The following ROBO1 variants were observed in gnomAD, a reference collection of about 807,000 sequenced individuals.
ROBO1 encodes roundabout guidance receptor 1, also known as roundabout homolog 1.
In ROBO1, 149 loss-of-function variants were observed where a neutral mutation model predicts 195.9. The ratio of observed to expected loss-of-function variants is 0.76; its 90% CI spans 0.67 to 0.87. The LOEUF is 0.87. Ranked by LOEUF, ROBO1 falls within the 40% of genes least tolerant of loss-of-function variation. ROBO1 has a pLI of 0.00. For missense variants in ROBO1, 1,933 were observed against 2,068.3 expected, an observed-to-expected ratio of 0.93 and a Z score of 1.27; for synonymous variants, 816 against 733.2, an observed-to-expected ratio of 1.11 and a Z score of -1.82.
At chr3:78,655,167 T>G (rs1178374406) in intron 18 of ROBO1, among the ~76,000 whole-genome samples, 1 of 152,204 alleles carries the variant, frequency 6.6e-6, no homozygotes, top group Non-Finnish European at 1.5e-5. Flanking sequence ...AGGATGTTTT[T>G]AGTTATATGG....
At chr3:79,713,880 G>C (rs1348553048) in intron 1 of ROBO1, among the ~76,000 whole-genome samples, 2 of 152,028 alleles carry the variant, frequency 1.3e-5, no homozygotes, top group Non-Finnish European at 2.9e-5. Context: ...TTTTTGTCAG[G>C]TTTGTCAGAG....
At chr3:78,925,952 C>T (rs1368388284) in intron 4 of ROBO1, among the ~76,000 whole-genome samples, 8 of 151,890 alleles carry the variant, frequency 5.3e-5, no homozygotes, top group Non-Finnish European at 1.2e-4. Flanking sequence ...CTCACTGCAA[C>T]CTCCGCCTCC....
intron 1 of ROBO1, among the ~76,000 whole-genome samples, chr3:79,736,787 C>T (rs1371520456): frequency 2.0e-5 from 3 of 152,190 alleles, no homozygotes; most frequent in South Asian, 4.1e-4. Context: ...AGTGGAGCTC[C>T]GAAGTTTTCC....
Position 79,383,129 on chromosome 3 carries a change from A to G in ROBO1, c.88+206695T>C, listed in dbSNP as rs535367448. Among the ~76,000 whole-genome samples, 8 of 152,242 alleles carry G rather than the reference A, an allele frequency of 5.3e-5. No homozygotes were observed. The South Asian group carries it at 1.7e-3, about 32-fold the overall frequency. On this transcript the variant is annotated intron_variant, in intron 2 of 30. Transcript: ENST00000464233. ...AGCTTCCTATTATACAAATCTTTAT[A>G]TGTAGGTTAATTGCCTGCCAAGACT...
chr3:79,609,996 T>C (rs72907835), intron 1 of ROBO1, among the ~76,000 whole-genome samples: 1 of 151,936 alleles, frequency 6.6e-6, no homozygotes, highest in Non-Finnish European at 1.5e-5. Flanking sequence ...TGGTTAAAAT[T>C]GAAATTTTAT....
intron 4 of ROBO1, among the ~76,000 whole-genome samples, chr3:78,806,812 CT>C (rs545350670): frequency 4.7e-5 from 7 of 149,446 alleles, no homozygotes; most frequent in Middle Eastern, 3.4e-3. Flanking sequence ...TTTTAAATAT[CT>C]TTTTTTTTTC....
At chr3:78,645,426 T>G (rs527770159) in intron 21 of ROBO1, among the ~76,000 whole-genome samples, 2 of 146,582 alleles carry the variant, frequency 1.4e-5, no homozygotes, top group Admixed American at 1.4e-4. Context: ...TTTTTTACAC[T>G]GTAAGCTAGA....
At chr3:79,564,998 A>G (rs1943046070) in intron 2 of ROBO1, among the ~76,000 whole-genome samples, 1 of 152,132 alleles carries the variant, frequency 6.6e-6, no homozygotes, top group African/African-American at 2.4e-5. Flanking sequence ...GATAAAATAC[A>G]GATTTCAATT....
chr3:79,402,739 T>C (rs538140377), intron 2 of ROBO1, among the ~76,000 whole-genome samples: 2 of 152,116 alleles, frequency 1.3e-5, no homozygotes, highest in East Asian at 1.9e-4. Flanking sequence ...CCTACTCTTA[T>C]AGTCTTCATA....
Position 79,766,736 on chromosome 3 carries a change from A to G in ROBO1, c.-51+1016T>C, listed in dbSNP as rs185789402. Among the ~76,000 whole-genome samples the G allele has an allele frequency of 2.3e-3, 343 of 152,240 alleles. 3 individuals are homozygous for G. The highest frequency in any genetic ancestry group is 7.0e-3 in the African/African-American group (293 of 41,566). The stretch of plus-strand genomic sequence containing the variant: ...GCACCCGCGCCAACGCTGGAACCGA[A>G]GGCTCATGGAAGCGGGGCTGGCAAG... On this transcript the variant is annotated intron_variant, in intron 1 of 30. Coordinates refer to ENST00000464233, the MANE Select transcript of ROBO1 (RefSeq NM_002941.4).
chr3:79,462,256 C>T (rs1198476270), intron 2 of ROBO1, among the ~76,000 whole-genome samples: 2 of 152,040 alleles, frequency 1.3e-5, no homozygotes, highest in Non-Finnish European at 2.9e-5. Context: ...ACAGGCAAGC[C>T]CAGATGCAAC....
chr3:78,902,354 T>G (rs920099760), intron 4 of ROBO1, among the ~76,000 whole-genome samples: 4 of 152,198 alleles, frequency 2.6e-5, no homozygotes, highest in Admixed American at 2.6e-4. Flanking sequence ...CCATTGAGAT[T>G]AAATTTCTTT....
chr3:78,720,438 G>GA (rs1263322081), intron 5 of ROBO1, among the ~76,000 whole-genome samples: 1 of 152,174 alleles, frequency 6.6e-6, no homozygotes, highest in African/African-American at 2.4e-5. Flanking sequence ...AAAAAGTCAG[G>GA]AAACAACAGG....
At chr3:79,448,018 A>G (rs2039322028) in intron 2 of ROBO1, among the ~76,000 whole-genome samples, 1 of 152,230 alleles carries the variant, frequency 6.6e-6, no homozygotes, top group South Asian at 2.1e-4. Context: ...CTGAGTTGTT[A>G]TAATGTAACC....
intron 4 of ROBO1, among the ~76,000 whole-genome samples, chr3:78,747,465 A>G (rs997705027): frequency 6.6e-6 from 1 of 152,172 alleles, no homozygotes; most frequent in Non-Finnish European, 1.5e-5. Context: ...CATATCTACA[A>G]AGCCATTACA....
intron 2 of ROBO1, among the ~76,000 whole-genome samples, chr3:79,140,894 C>T (rs974251297): frequency 6.6e-6 from 1 of 152,190 alleles, no homozygotes; most frequent in Non-Finnish European, 1.5e-5. Context: ...TCCACATAGA[C>T]AGCATGTCAT....
intron 1 of ROBO1, among the ~76,000 whole-genome samples, chr3:79,658,605 G>A (rs188999192): frequency 2.0e-5 from 3 of 151,748 alleles, no homozygotes; most frequent in African/African-American, 4.8e-5. Context: ...TAATTTTTAT[G>A]GATACATAGT....
At chr3:79,561,510 T>C in intron 2 of ROBO1, among the ~76,000 whole-genome samples, 2 of 152,254 alleles carry the variant, frequency 1.3e-5, no homozygotes, top group African/African-American at 4.8e-5. Flanking sequence ...CAAGAGTAGA[T>C]TTAAACGTGG....
intron 8 of ROBO1, among the ~76,000 whole-genome samples, chr3:78,699,636 G>A (rs1015824825): frequency 1.3e-5 from 2 of 151,320 alleles, no homozygotes; most frequent in Non-Finnish European, 2.9e-5. Context: ...TTTACGTTTT[G>A]TTTTTTGCTT....
Sources: allele counts gnomAD v4.1 joint callset (sites outside exome capture counted in the v4.1 genomes callset), GRCh38; gene constraint gnomAD v4.1.1; transcripts MANE v1.5; gene names NCBI Gene and HGNC (gene_info 2026-07-23, HGNC 2026-07-21).